The following CHL1 variants were observed in gnomAD, a reference collection of about 807,000 sequenced individuals.
The protein encoded by CHL1 is cell adhesion molecule L1 like.
CHL1 carries 96 observed loss-of-function variants against 141.9 expected under a neutral mutation model. The observed-to-expected ratio is 0.68, with a 90% CI of 0.57 to 0.80. The LOEUF (loss-of-function observed/expected upper bound fraction) is 0.80. Ranked by LOEUF, CHL1 falls within the 30% of genes least tolerant of loss-of-function variation. CHL1 has a pLI of 0.00. For missense variants in CHL1, 1,820 were observed against 1,457.2 expected (o/e 1.25, Z -4.05); for synonymous variants, 613 against 502.2 (o/e 1.22, Z -2.95).
At chr3:313,883 A>C (rs1378319138) in intron 2 of CHL1, among the ~76,000 whole-genome samples, 1 of 152,174 alleles carries the variant, frequency 6.6e-6, no homozygotes, top group Non-Finnish European at 1.5e-5. Flanking sequence ...TGTACTATAA[A>C]ATGGGCTTAC....
chr3:323,606 A>AT (rs978746387), intron 3 of CHL1, among the ~76,000 whole-genome samples: 63 of 152,236 alleles, frequency 4.1e-4, no homozygotes, highest in African/African-American at 1.3e-3. Flanking sequence ...ATTTCCCATC[A>AT]TTTTTTAACT....
At chr3:343,840 G>A (rs1234727123) in intron 8 of CHL1, among the ~76,000 whole-genome samples, 1 of 152,064 alleles carries the variant, frequency 6.6e-6, no homozygotes, top group Non-Finnish European at 1.5e-5. Flanking sequence ...TATTTTCACA[G>A]CACTCAATGA....
chr3:392,563 G>C (rs1328940514), intron 23 of CHL1, among the ~76,000 whole-genome samples: 3 of 152,088 alleles, frequency 2.0e-5, no homozygotes, highest in Middle Eastern at 3.2e-3. Flanking sequence ...TGGAAATTCG[G>C]GGATTGACAT....
At chr3:304,082 G>T (rs993237461) in intron 2 of CHL1, among the ~76,000 whole-genome samples, 1 of 151,642 alleles carries the variant, frequency 6.6e-6, no homozygotes, top group East Asian at 1.9e-4. Flanking sequence ...AGCCAACTTC[G>T]TACCTGGTGG....
chr3:321,742 T>C (rs1018935360), intron 3 of CHL1, among the ~76,000 whole-genome samples: 2 of 152,104 alleles, frequency 1.3e-5, no homozygotes, highest in African/African-American at 4.8e-5. Flanking sequence ...TTATAAAATA[T>C]TAATGGCATA....
intron 2 of CHL1, among the ~76,000 whole-genome samples, chr3:280,697 A>C (rs756262227): frequency 5.9e-5 from 9 of 152,154 alleles, no homozygotes. Flanking sequence ...ACCACCAACA[A>C]AATACCTTTT....
chr3:291,585 A>T (rs544875581), intron 2 of CHL1, among the ~76,000 whole-genome samples: 7 of 152,214 alleles, frequency 4.6e-5, no homozygotes, highest in Non-Finnish European at 8.8e-5. Context: ...AAAGTAAGTA[A>T]TTTGGTTCAT....
chr3:376,398 C>A (rs750463308), intron 15 of CHL1: 1 of 517,308 alleles, frequency 1.9e-6, no homozygotes, highest in Non-Finnish European at 3.9e-6. Flanking sequence ...TGGACTGAGG[C>A]TGGAACACGA....
At chr3:198,786 T>C (rs1048457671) in intron 1 of CHL1, among the ~76,000 whole-genome samples, 1 of 152,238 alleles carries the variant, frequency 6.6e-6, no homozygotes, top group Non-Finnish European at 1.5e-5. Context: ...TTCTGCGTTT[T>C]CTAATTTTGG....
chr3:275,823 C>G (rs1394644672), intron 2 of CHL1, among the ~76,000 whole-genome samples: 1 of 151,944 alleles, frequency 6.6e-6, no homozygotes, highest in African/African-American at 2.4e-5. Context: ...CAAAGATAAA[C>G]TTACATAAAA....
At position 405,749 on chromosome 3, in the gene CHL1, A is replaced by G. The variant is rs1327378460; in HGVS notation, c.*38A>G. ...TAAGCAACGCTACTGGTTCACCCCA[A>G]CCTTCCATATTTATCTGTTCAAAGG... is the stretch of plus-strand genomic sequence containing the variant. On this transcript the variant is annotated 3_prime_UTR_variant, in exon 28 of 28. Coordinates refer to ENST00000256509, the MANE Select transcript of CHL1 (RefSeq NM_006614.4). 6 of 1,468,744 alleles carry G rather than the reference A, an allele frequency of 4.1e-6. No homozygotes were observed. Among genetic ancestry groups the G allele is most frequent in the Non-Finnish European group, 5.7e-6 (6 of 1,049,678 alleles). 91.0% of individuals were successfully genotyped at this position (1,468,744 alleles called of 1,614,324 possible).
At chr3:337,364 TA>T (rs1701969998) in intron 5 of CHL1, among the ~76,000 whole-genome samples, 2 of 100,840 alleles carry the variant, frequency 2.0e-5, no homozygotes, top group African/African-American at 7.1e-5. Flanking sequence ...CTAATTTTTT[TA>T]TATATATTTT....
intron 2 of CHL1, among the ~76,000 whole-genome samples, chr3:316,256 TG>T (rs1171354100): frequency 1.3e-5 from 2 of 152,118 alleles, no homozygotes; most frequent in South Asian, 4.2e-4. Flanking sequence ...GAAAATAATT[TG>T]GGGGCTGCAT....
At chr3:229,854 C>T (rs1356444200) in intron 1 of CHL1, among the ~76,000 whole-genome samples, 1 of 151,988 alleles carries the variant, frequency 6.6e-6, no homozygotes, top group South Asian at 2.1e-4. Flanking sequence ...CTGTCTGTGC[C>T]CCACCACCTC....
At chr3:384,854 T>A (rs1318476591) in intron 19 of CHL1, among the ~76,000 whole-genome samples, 1 of 152,234 alleles carries the variant, frequency 6.6e-6, no homozygotes, top group African/African-American at 2.4e-5. Context: ...TTTAGTTTGC[T>A]TTTTATCCTC....
At chr3:253,237 G>T (rs1693863790) in intron 2 of CHL1, among the ~76,000 whole-genome samples, 1 of 152,090 alleles carries the variant, frequency 6.6e-6, no homozygotes, top group Non-Finnish European at 1.5e-5. Context: ...CCCTAGCCAT[G>T]GCTGTGATGT....
At chr3:295,512 A>G (rs1178032542) in intron 2 of CHL1, among the ~76,000 whole-genome samples, 2 of 152,182 alleles carry the variant, frequency 1.3e-5, no homozygotes, top group African/African-American at 4.8e-5. Context: ...GTTAAGAAAG[A>G]GGTCATGGAT....
intron 25 of CHL1, 41 bp from the exon 26 acceptor site, chr3:398,976 G>C (rs370296918): frequency 8.2e-6 from 13 of 1,593,296 alleles, no homozygotes; most frequent in Non-Finnish European, 1.0e-5. Flanking sequence ...ACAAAAGACT[G>C]TTTCTAGTTT....
At chr3:287,218 A>G (rs1397107628) in intron 2 of CHL1, among the ~76,000 whole-genome samples, 1 of 151,854 alleles carries the variant, frequency 6.6e-6, no homozygotes, top group African/African-American at 2.4e-5. Flanking sequence ...CATATATTAT[A>G]TATTAATACA....
Sources: gnomAD v4.1 joint callset for allele counts (sites outside exome capture counted in the v4.1 genomes callset) on GRCh38, gnomAD v4.1.1 for gene constraint, MANE v1.5 for transcripts, NCBI Gene and HGNC (gene_info 2026-07-23, HGNC 2026-07-21) for gene names.